Variants in ZFPM2 observed in about 807,000 individuals in gnomAD.
The protein encoded by ZFPM2 is zinc finger protein ZFPM2.
Under a neutral mutation model 98.6 loss-of-function variants are expected in ZFPM2, and 20 were observed. That is an observed-to-expected ratio of 0.20 (90% CI 0.14 to 0.29). The LOEUF (loss-of-function observed/expected upper bound fraction) is 0.29, where lower values mean the gene tolerates loss of function less well. ZFPM2 is among the 10% of genes least tolerant of loss of function. ZFPM2 has a pLI of 1.00. For missense variants in ZFPM2, 1,310 were observed against 1,388.6 expected (o/e 0.94, Z 0.90); for synonymous variants, 518 against 502.7 (o/e 1.03, Z -0.41).
intron 3 of ZFPM2, among the ~76,000 whole-genome samples, chr8:105,453,280 A>G (rs749794838): frequency 1.3e-4 from 20 of 152,170 alleles, no homozygotes; most frequent in Non-Finnish European, 2.4e-4. Flanking sequence ...TCTACCAGAA[A>G]TTGAAAATTG....
At chr8:105,361,885 T>C (rs538726492) in intron 1 of ZFPM2, among the ~76,000 whole-genome samples, 48 of 151,556 alleles carry the variant, frequency 3.2e-4, no homozygotes, top group African/African-American at 1.0e-3. Context: ...CATTGTGCTA[T>C]ATTTACCTAC....
At chr8:105,605,627 G>A (rs1353384398) in intron 4 of ZFPM2, among the ~76,000 whole-genome samples, 3 of 151,968 alleles carry the variant, frequency 2.0e-5, no homozygotes, top group Non-Finnish European at 4.4e-5. Context: ...ATATTTTAAG[G>A]CTTCCTGAGT....
intron 3 of ZFPM2, among the ~76,000 whole-genome samples, chr8:105,550,108 A>G (rs758599794): frequency 1.3e-5 from 2 of 152,156 alleles, no homozygotes; most frequent in Non-Finnish European, 2.9e-5. Context: ...TGGGACAGAA[A>G]TGTAAAATGT....
intron 1 of ZFPM2, among the ~76,000 whole-genome samples, chr8:105,359,255 G>GT (rs1812807933): frequency 6.6e-6 from 1 of 151,882 alleles, no homozygotes; most frequent in Admixed American, 6.6e-5. Flanking sequence ...TGCAATGATT[G>GT]TAAGTTTCCT....
intron 2 of ZFPM2, among the ~76,000 whole-genome samples, chr8:105,427,916 C>T (rs1811947092): frequency 1.3e-5 from 2 of 152,126 alleles, no homozygotes; most frequent in Non-Finnish European, 2.9e-5. Context: ...GCTGACTGCT[C>T]CCAAAAGTCA....
At chr8:105,500,502 C>G (rs1180855513) in intron 3 of ZFPM2, among the ~76,000 whole-genome samples, 6 of 152,038 alleles carry the variant, frequency 3.9e-5, no homozygotes, top group Non-Finnish European at 8.8e-5. Context: ...ACAGTTACAT[C>G]TCTGATGTTT....
Position 105,319,026 on chromosome 8 carries a change from G to A in ZFPM2, c.40+45G>A, listed in dbSNP as rs116024720. The A allele has an allele frequency of 2.3e-3, 3,376 of 1,473,230 alleles. 72 individuals carry two copies. In the African/African-American group the frequency reaches 0.042, roughly 18 times the overall value. 91.3% of individuals were successfully genotyped at this position (1,473,230 alleles called of 1,614,324 possible). A position where few individuals can be genotyped will look rare whatever the true frequency, so the allele number is the denominator to read the frequency against. On this transcript the variant is annotated intron_variant, in intron 1 of 7. Coordinates refer to ENST00000407775, the MANE Select transcript of ZFPM2 (RefSeq NM_012082.4). ...CGGGAGTTGGTGGGATTATTGCCCA[G>A]GAGCGGGGTGCGCGGGACGGGAAAG...
chr8:105,538,522 A>G (rs1378174724), intron 3 of ZFPM2, among the ~76,000 whole-genome samples: 1 of 152,136 alleles, frequency 6.6e-6, no homozygotes, highest in Non-Finnish European at 1.5e-5. Flanking sequence ...CAACAGTTTA[A>G]TATTATATTT....
At chr8:105,391,618 A>G (rs937732896) in intron 1 of ZFPM2, among the ~76,000 whole-genome samples, 10 of 152,202 alleles carry the variant, frequency 6.6e-5, no homozygotes, top group African/African-American at 2.4e-4. Context: ...TATCATTTCA[A>G]CAATTCACAA....
At chr8:105,520,961 C>T (rs1250412185) in intron 3 of ZFPM2, among the ~76,000 whole-genome samples, 3 of 145,636 alleles carry the variant, frequency 2.1e-5, no homozygotes, top group Non-Finnish European at 4.7e-5. Flanking sequence ...AGACCATCCT[C>T]AGTAGTGTGA....
chr8:105,511,375 AG>A (rs1401214183), intron 3 of ZFPM2, among the ~76,000 whole-genome samples: 1 of 152,230 alleles, frequency 6.6e-6, no homozygotes, highest in African/African-American at 2.4e-5. Flanking sequence ...TTTGCATTTT[AG>A]CAGGTTTCAA....
At chr8:105,519,693 A>G (rs1367281339) in intron 3 of ZFPM2, among the ~76,000 whole-genome samples, 1 of 152,102 alleles carries the variant, frequency 6.6e-6, no homozygotes, top group Non-Finnish European at 1.5e-5. Context: ...CATACGTATT[A>G]TAATAAGGGA....
intron 1 of ZFPM2, among the ~76,000 whole-genome samples, chr8:105,398,715 T>C (rs1811273699): frequency 6.6e-6 from 1 of 152,148 alleles, no homozygotes; most frequent in African/African-American, 2.4e-5. Flanking sequence ...ATAGTAATTA[T>C]TGCTTCCCTG....
In ZFPM2 at chr8:105,754,979, T is replaced by C. The variant is rs1586241393; in HGVS notation, c.533-33739T>C. ...GTGTGTGTGTGTGTGTGTGTGTGTG[T>C]GTGTGCACGTGCGCATGTGCGCATG... On this transcript the variant is annotated intron_variant, in intron 5 of 7. Transcript: ENST00000407775. 2.0e-5 allele frequency among the ~76,000 whole-genome samples: 3 copies of C among 148,658 alleles called. No homozygotes were observed. In the South Asian group the frequency reaches 6.3e-4, roughly 31 times the overall value.
At chr8:105,545,489 G>A (rs1158429583) in intron 3 of ZFPM2, among the ~76,000 whole-genome samples, 1 of 151,948 alleles carries the variant, frequency 6.6e-6, no homozygotes, top group Non-Finnish European at 1.5e-5. Context: ...AAAGAAAAAG[G>A]AGGTAATATA....
chr8:105,337,742 C>G (rs1430251642), intron 1 of ZFPM2, among the ~76,000 whole-genome samples: 1 of 117,802 alleles, frequency 8.5e-6, no homozygotes, highest in African/African-American at 3.5e-5. Flanking sequence ...TCTTTTTGGT[C>G]ATAGTTCATG....
intron 1 of ZFPM2, among the ~76,000 whole-genome samples, chr8:105,385,950 A>G (rs535738538): frequency 6.6e-6 from 1 of 152,338 alleles, no homozygotes; most frequent in Non-Finnish European, 1.5e-5. Flanking sequence ...GCCCACCTCC[A>G]TGTGACCTTG....
chr8:105,744,626 T>A (rs541815472), intron 5 of ZFPM2, among the ~76,000 whole-genome samples: 1 of 146,410 alleles, frequency 6.8e-6, no homozygotes, highest in East Asian at 2.1e-4. Context: ...TTTCTTTGTG[T>A]GTATGTATAT....
chr8:105,626,852 G>A (rs1215393025), intron 4 of ZFPM2, among the ~76,000 whole-genome samples: 1 of 152,070 alleles, frequency 6.6e-6, no homozygotes, highest in African/African-American at 2.4e-5. Flanking sequence ...TCACGGCATT[G>A]GCATGAGATT....
Sources: allele counts gnomAD v4.1 joint callset (sites outside exome capture counted in the v4.1 genomes callset), GRCh38; gene constraint gnomAD v4.1.1; transcripts MANE v1.5; gene names NCBI Gene and HGNC (gene_info 2026-07-23, HGNC 2026-07-21).